Variants in LILRA6 observed in about 807,000 individuals in gnomAD.
The protein encoded by LILRA6 is leukocyte immunoglobulin like receptor A6.
In LILRA6, 16 loss-of-function variants were observed where a neutral mutation model predicts 53.9. The ratio of observed to expected loss-of-function variants is 0.30; its 90% CI spans 0.20 to 0.45. The LOEUF is 0.45. Among genes scored for constraint, LILRA6 ranks in the 20% least tolerant of loss-of-function variants. The pLI, the probability that LILRA6 is intolerant of heterozygous loss-of-function variation, is 1.00. For missense variants in LILRA6, 306 were observed against 618.6 expected, an observed-to-expected ratio of 0.49 and a Z score of 5.36; for synonymous variants, 135 against 256.4, an observed-to-expected ratio of 0.53 and a Z score of 4.52.
exon 4 of LILRA6, chr19:54,241,682 G>A: frequency 1.3e-6 from 2 of 1,510,334 alleles, no homozygotes; most frequent in East Asian, 2.3e-5. Context: ...GGTTCACGGG[G>A]CCCACAGGGA....
chr19:54,237,320 G>T (rs1483026983), downstream of LILRA6: 1 of 150,786 alleles, frequency 6.6e-6, no homozygotes, highest in Non-Finnish European at 1.5e-5. Context: ...CCAAGATCCT[G>T]CCACTGCACG....
chr19:54,240,221 C>G (rs2078715171), intron 6 of LILRA6, 53 bp downstream of exon 6: 1 of 1,594,610 alleles, frequency 6.3e-7, no homozygotes, highest in African/African-American at 1.3e-5. Context: ...TCCTGGGGGC[C>G]TGGGCCTGAG....
rs1275921670 is a variant in LILRA6, at chr19:54,240,763, C to T, written c.955+68G>A. 7.5e-6 allele frequency: 12 copies of T among 1,602,792 alleles called. No individual in the cohort carries two copies. The Admixed American group carries it at 8.4e-5, about 11-fold the overall frequency. ...CCCCACCCCTCATCCCGGCCATCAC[C>T]ACCTGGGCTCCCCCGGCAGGGCCTG... On this transcript the variant is annotated intron_variant, in intron 5 of 7. Coordinates refer to ENST00000396365, the Ensembl canonical transcript of LILRA6.
At chr19:54,238,884 C>T (rs1600976047) in exon 8 of LILRA6, 5 of 1,578,692 alleles carry the variant, frequency 3.2e-6, no homozygotes, top group Middle Eastern at 1.7e-4. Flanking sequence ...TCCTCCAGAG[C>T]CTTCTGGGAT....
chr19:54,238,086 C>T (rs112773144), downstream of LILRA6: 55,470 of 146,734 alleles, frequency 0.38, 6,747 homozygotes, highest in African/African-American at 0.49. Context: ...AATGGCGCCA[C>T]CTTGGCTCAC....
At chr19:54,242,425 C>A in intron 2 of LILRA6, 94 bp downstream of exon 2, 1 of 1,071,372 alleles carries the variant, frequency 9.3e-7, no homozygotes, top group Non-Finnish European at 1.3e-6. Context: ...GTCTCCTCCC[C>A]ACCCAGAACT....
At chr19:54,241,581 G>A (rs1159945456) in exon 4 of LILRA6, 1 of 1,465,758 alleles carries the variant, frequency 6.8e-7, no homozygotes, top group African/African-American at 1.4e-5. Flanking sequence ...CTCACCTGAG[G>A]GCAGAATCTC....
At position 54,242,350 on chromosome 19, in the gene LILRA6, C is replaced by T. The variant is rs371051438; in HGVS notation, c.71-40G>A. The T allele has an allele frequency of 1.5e-4, 176 of 1,162,982 alleles. 25 individuals are homozygous for T. In the South Asian group the frequency reaches 1.6e-3, roughly 10 times the overall value. The allele number at this position is 1,162,982 out of a possible 1,614,324, so 72.0% of individuals were successfully genotyped here. On this transcript the variant is annotated intron_variant, in intron 2 of 7. Transcript: ENST00000396365. ...GAGGCTGGATCCCAAGACATCCCCA[C>T]GCTCAGATCCCAGCTCCCAGCCCCA...
At chr19:54,239,400 C>T in intron 7 of LILRA6, 1 of 681,940 alleles carries the variant, frequency 1.5e-6, no homozygotes, top group Non-Finnish European at 2.3e-6. Context: ...AGGGCTCCCT[C>T]CAGTCTCCTC....
chr19:54,238,948 G>T lies in LILRA6; in HGVS notation c.*5C>A, dbSNP rs777515572. ...CGCTGAAGGGTGCATTGTCCTCTCC[G>T]CTGTTCACCTCCCGGCTGCATCTTG... On this transcript the variant is annotated 3_prime_UTR_variant, in exon 8 of 8. Transcript: ENST00000396365. 4 of 1,610,522 alleles carry T rather than the reference G, an allele frequency of 2.5e-6. No homozygotes were observed. In the Admixed American group the frequency reaches 5.0e-5, roughly 20 times the overall value.
In LILRA6 at chr19:54,242,461, G is replaced by A; in HGVS notation, c.70+58C>T. Reference sequence around the variant, plus strand: ...GCTGTCTCCTCCCCCAGCTGCCCATGTGTGGCCCTTGTCCCTAGTAAGGAT... The same window carrying A: ...GCTGTCTCCTCCCCCAGCTGCCCATATGTGGCCCTTGTCCCTAGTAAGGAT... On this transcript the variant is annotated intron_variant, in intron 2 of 7. Coordinates refer to ENST00000396365, the Ensembl canonical transcript of LILRA6. 5.6e-6 allele frequency: 6 copies of A among 1,077,244 alleles called. 2 individuals are homozygous for A. Among genetic ancestry groups the A allele is most frequent in the Non-Finnish European group, 5.1e-6 (4 of 783,724 alleles). 66.7% of individuals were successfully genotyped at this position (1,077,244 alleles called of 1,614,324 possible).
At chr19:54,238,928 A>C (rs1403192413) in exon 8 of LILRA6, 1 of 1,608,096 alleles carries the variant, frequency 6.2e-7, no homozygotes, top group South Asian at 1.1e-5. Context: ...CACCACGCTG[A>C]AGGGTGCATT....
At chr19:54,240,701 A>G in intron 5 of LILRA6, 125 bp from the exon 6 acceptor site, 1 of 1,561,842 alleles carries the variant, frequency 6.4e-7, no homozygotes, top group East Asian at 2.3e-5. Flanking sequence ...CTCCCCGCCC[A>G]TCCCCTGTCT....
At chr19:54,240,673 G>C in intron 5 of LILRA6, 97 bp from the exon 6 acceptor site, 7 of 1,562,702 alleles carry the variant, frequency 4.5e-6, no homozygotes, top group African/African-American at 1.3e-5. Flanking sequence ...CTCTGTCTCT[G>C]TTTTCTCTGA....
At chr19:54,240,741 C>T in intron 5 of LILRA6, 90 bp downstream of exon 5, 3 of 1,593,316 alleles carry the variant, frequency 1.9e-6, no homozygotes, top group East Asian at 4.5e-5. Context: ...TTGGGACCCC[C>T]ACCCCTCATC....
intron 7 of LILRA6, chr19:54,239,419 A>C: frequency 1.6e-6 from 1 of 640,566 alleles, no homozygotes; most frequent in Non-Finnish European, 2.5e-6. Flanking sequence ...TCATGAAACT[A>C]TTTCAGTTTT....
At chr19:54,239,386 C>T in intron 7 of LILRA6, 1 of 730,538 alleles carries the variant, frequency 1.4e-6, no homozygotes, top group African/African-American at 1.8e-5. Flanking sequence ...CCCTCTCCTG[C>T]AGCAGGGCTC....
In LILRA6 at chr19:54,240,758, A is replaced by G; in HGVS notation, c.955+73T>C. 4.4e-6 allele frequency: 7 copies of G among 1,598,762 alleles called. No individual in the cohort carries two copies. In the South Asian group the frequency reaches 8.0e-5, roughly 18 times the overall value. ...GGGACCCCCACCCCTCATCCCGGCC[A>G]TCACCACCTGGGCTCCCCCGGCAGG... On this transcript the variant is annotated intron_variant, in intron 5 of 7. Transcript: ENST00000396365.
At chr19:54,237,844 C>T (rs1274124218), downstream of LILRA6, 1 of 150,600 alleles carries the variant, frequency 6.6e-6, no homozygotes, top group South Asian at 2.1e-4. Context: ...CGTAGTATCC[C>T]TTGGTGGAAT....
Sources: allele counts gnomAD v4.1 joint callset, GRCh38; gene constraint gnomAD v4.1.1; transcripts MANE v1.5; gene names NCBI Gene and HGNC (gene_info 2026-07-23, HGNC 2026-07-21).